RB1CC1: variants seen among roughly 807,000 people sequenced by gnomAD.
RB1CC1 encodes RB1 inducible coiled-coil 1, also known as RB1-inducible coiled-coil protein 1.
RB1CC1 carries 46 observed loss-of-function variants against 177.5 expected under a neutral mutation model. That is an observed-to-expected ratio of 0.26 (90% CI 0.20 to 0.33). The LOEUF (loss-of-function observed/expected upper bound fraction) is 0.33. RB1CC1 is among the 10% of genes least tolerant of loss of function. The probability of loss-of-function intolerance (pLI) is 1.00; values close to 1 mark genes in which losing one functional copy is unlikely to be tolerated. For missense variants in RB1CC1, 1,703 were observed against 1,816.3 expected, an observed-to-expected ratio of 0.94 and a Z score of 1.13; for synonymous variants, 666 against 613.6, an observed-to-expected ratio of 1.09 and a Z score of -1.26.
chr8:52,636,114 T>TA, intron 18 of RB1CC1, 45 bp from the exon 19 acceptor site: 1 of 1,564,622 alleles, frequency 6.4e-7, no homozygotes, highest in South Asian at 1.1e-5. Flanking sequence ...TTCTAAACTT[T>TA]ACATTCTTCA....
chr8:52,690,284 A>T (rs531099819), intron 1 of RB1CC1, among the ~76,000 whole-genome samples: 1 of 152,336 alleles, frequency 6.6e-6, no homozygotes, highest in East Asian at 1.9e-4. Flanking sequence ...GATGCTGACT[A>T]AAGTGGAAGG....
intron 11 of RB1CC1, 25 bp downstream of exon 11, chr8:52,660,901 A>G (rs1563397543): frequency 2.5e-6 from 4 of 1,569,062 alleles, no homozygotes; most frequent in South Asian, 2.3e-5. Flanking sequence ...TACAAAAGTA[A>G]TTAAAATTAT....
Position 52,642,439 on chromosome 8 carries a change from G to A in RB1CC1, c.4249C>T (p.Leu1417Phe), listed in dbSNP as rs1419414723. Residue 1417 changes from leucine to phenylalanine, a missense_variant, in exon 18 of 24, where the codon CTC (leucine) becomes TTC (phenylalanine). Leu to Phe is a conservative substitution (Grantham distance 22, BLOSUM62 0). Coordinates refer to ENST00000025008, the MANE Select transcript of RB1CC1 (RefSeq NM_014781.5). ...GCGGATCTATCTGATTCACCTGGGA[G>A]TTCAGGTGCACAAGCTCCATAAAGT... ...PELYGACAPE[L>F]PGESDRSAVE... 1 of 1,613,934 alleles carries A rather than the reference G, an allele frequency of 6.2e-7. No homozygotes were observed. The highest frequency in any genetic ancestry group is 8.5e-7 in the Non-Finnish European group (1 of 1,179,970).
At position 52,685,002 on chromosome 8, in the gene RB1CC1, C is replaced by CTTT. The variant is rs34656821; in HGVS notation, c.71+394_71+396dup. The stretch of plus-strand genomic sequence containing the variant: ...GATTTAAGACTTGCCATTATGTGAC[C>CTTT]TTTTTTTTTTTTTTTTTTGAGACAA... On this transcript the variant is annotated intron_variant, in intron 3 of 23. Transcript: ENST00000025008. 3.8e-5 allele frequency among the ~76,000 whole-genome samples: 5 copies of CTTT among 130,246 alleles called. No individual in the cohort carries two copies. The East Asian group carries it at 6.7e-4, about 17-fold the overall frequency. 85.4% of individuals were successfully genotyped at this position (130,246 alleles called of 152,430 possible). A position where few individuals can be genotyped will look rare whatever the true frequency, so the allele number is the denominator to read the frequency against.
intron 2 of RB1CC1, among the ~76,000 whole-genome samples, 165 bp from the exon 3 acceptor site, chr8:52,685,685 A>G (rs1300964748): frequency 6.6e-6 from 1 of 151,482 alleles, no homozygotes; most frequent in African/African-American, 2.4e-5. Flanking sequence ...CTCAATGCTT[A>G]AAAAAAAATA....
chr8:52,657,476 T>C lies in RB1CC1; in HGVS notation c.2353A>G (p.Lys785Glu). Residue 785 changes from lysine (K) to glutamate (E), a missense_variant, in exon 15 of 24, where the codon AAG becomes GAG. By Grantham distance (56) the Lys-to-Glu change is moderately conservative. Around this residue, in one of 6 missense-constraint regions of RB1CC1, gnomAD observed 1,169 missense variants for 1,184.7 expected, o/e 0.99. Transcript: ENST00000025008. ...GAAGTATGATCTCCAAAATCCTCCT[T>C]ACCACATACATTTGTATCCTGCATT... ...RRMQDTNVCG[K>E]EDFGDHTSLN... The C allele has an allele frequency of 8.1e-6, 13 of 1,613,774 alleles. No homozygotes were observed. The highest frequency in any genetic ancestry group is 1.1e-5 in the Non-Finnish European group (13 of 1,180,002).
chr8:52,665,259 CAAA>C (rs1851969486), intron 8 of RB1CC1, among the ~76,000 whole-genome samples: 1 of 151,988 alleles, frequency 6.6e-6, no homozygotes, highest in Non-Finnish European at 1.5e-5. Flanking sequence ...TAAATTCTAA[CAAA>C]AACATGAAAA....
chr8:52,704,884 A>T (rs1856416875), intron 1 of RB1CC1, among the ~76,000 whole-genome samples: 2 of 152,196 alleles, frequency 1.3e-5, no homozygotes, highest in Admixed American at 1.3e-4. Flanking sequence ...CTTGATGCTC[A>T]TTTTATATAA....
In RB1CC1 at chr8:52,656,072, T is replaced by C; in HGVS notation, c.3757A>G (p.Arg1253Gly). 1 of 1,613,278 alleles carries C rather than the reference T, an allele frequency of 6.2e-7. No homozygotes were observed. Among genetic ancestry groups the C allele is most frequent in the Non-Finnish European group, 8.5e-7 (1 of 1,179,750 alleles). ...AATAACTCTTTCTCAACAACTTCTC[T>C]CTCCAATTTAAATTCTTTTAGGGCA... ...QTALKEFKLE[R>G]EVVEKELLEK... Residue 1253 changes from arginine to glycine, a missense_variant, in exon 15 of 24, where the codon AGA becomes GGA. Arg to Gly is a moderately radical substitution (Grantham distance 125). Around this residue, in one of 6 missense-constraint regions of RB1CC1, gnomAD observed 1,169 missense variants for 1,184.7 expected, o/e 0.99. Transcript: ENST00000025008.
In RB1CC1 at chr8:52,657,784, G is replaced by A. The variant is rs1476360893; in HGVS notation, c.2045C>T (p.Pro682Leu). 6.2e-7 allele frequency: 1 copy of A among 1,613,822 alleles called. No individual in the cohort carries two copies. The highest frequency in any genetic ancestry group is 1.7e-5 in the Admixed American group (1 of 59,992). The part of the protein sequence containing the change: ...PPLTVQDPLC[P>L]AVCPLEELSP... Reference sequence around the variant, plus strand: ...TAATTCTTCTAAGGGACAAACTGCAGGACATAAGGGATCCTGAACAGTCAG... The same window carrying A: ...TAATTCTTCTAAGGGACAAACTGCAAGACATAAGGGATCCTGAACAGTCAG... The change falls in exon 15 of 24, where the codon CCT becomes CTT. Residue 682 changes from proline to leucine, a missense_variant. Transcript: ENST00000025008.
intron 18 of RB1CC1, among the ~76,000 whole-genome samples, chr8:52,641,028 C>T (rs1470701716): frequency 3.3e-5 from 5 of 152,022 alleles, no homozygotes; most frequent in South Asian, 2.1e-4. Context: ...GGGTGGGGTA[C>T]GAAGGACCCT....
intron 15 of RB1CC1, among the ~76,000 whole-genome samples, chr8:52,648,114 G>A (rs144616295): frequency 5.3e-5 from 8 of 152,172 alleles, no homozygotes; most frequent in African/African-American, 7.2e-5. Flanking sequence ...AACAGATATA[G>A]ACACCCCTGA....
rs1855693493 is a variant in RB1CC1, at chr8:52,698,669, G to GTTTTTTTTTTTTTTTTTTTTTTTTTTTT, written c.-166-11703_-166-11702insAAAAAAAAAAAAAAAAAAAAAAAAAAAA. Among the ~76,000 whole-genome samples the GTTTTTTTTTTTTTTTTTTTTTTTTTTTT allele has an allele frequency of 1.3e-4, 3 of 22,770 alleles. 1 individual carries two copies. Among genetic ancestry groups the GTTTTTTTTTTTTTTTTTTTTTTTTTTTT allele is most frequent in the African/African-American group, 1.4e-4 (1 of 7,330 alleles). The allele number at this position is 22,770 out of a possible 152,430, so 14.9% of individuals were successfully genotyped here. A position where few individuals can be genotyped will look rare whatever the true frequency, so the allele number is the denominator to read the frequency against. ...AACAAAAACTGTATATGTAATGGTT[G>GTTTTTTTTTTTTTTTTTTTTTTTTTTTT]GTTTTTTTTTTTTTTTTTTTTTTTT... On this transcript the variant is annotated intron_variant, in intron 1 of 23. Coordinates refer to ENST00000025008, the MANE Select transcript of RB1CC1 (RefSeq NM_014781.5).
At chr8:52,679,860 A>G (rs980388664) in intron 5 of RB1CC1, among the ~76,000 whole-genome samples, 1 of 152,124 alleles carries the variant, frequency 6.6e-6, no homozygotes, top group Non-Finnish European at 1.5e-5. Flanking sequence ...TTTATGTTAC[A>G]TACTTGCAAA....
At chr8:52,666,861 C>T (rs1381398067) in intron 8 of RB1CC1, among the ~76,000 whole-genome samples, 1 of 151,934 alleles carries the variant, frequency 6.6e-6, no homozygotes, top group South Asian at 2.1e-4. Context: ...ATACAGGAAA[C>T]AAGTGTAAAT....
At chr8:52,630,901 C>A (rs1432284445) in intron 20 of RB1CC1, among the ~76,000 whole-genome samples, 2 of 152,174 alleles carry the variant, frequency 1.3e-5, no homozygotes, top group African/African-American at 2.4e-5. Context: ...GAAACCCACA[C>A]TTAGAAAATT....
intron 1 of RB1CC1, among the ~76,000 whole-genome samples, chr8:52,708,838 C>CGT (rs1554562264): frequency 2.0e-5 from 3 of 152,134 alleles, no homozygotes; most frequent in Non-Finnish European, 4.4e-5. Context: ...GGTAGTAGCC[C>CGT]GTGACCCCTC....
intron 20 of RB1CC1, among the ~76,000 whole-genome samples, chr8:52,631,787 C>T (rs1046537419): frequency 1.3e-5 from 2 of 152,128 alleles, no homozygotes; most frequent in African/African-American, 4.8e-5. Context: ...CAGCATCATT[C>T]GCTCTAATAA....
intron 7 of RB1CC1, among the ~76,000 whole-genome samples, chr8:52,669,912 G>C (rs1166662103): frequency 6.6e-6 from 1 of 152,204 alleles, no homozygotes; most frequent in Non-Finnish European, 1.5e-5. Flanking sequence ...GACAAACATA[G>C]GAGAGTATTT....
Sources: gnomAD v4.1 joint callset for allele counts (sites outside exome capture counted in the v4.1 genomes callset) on GRCh38, gnomAD v4.1.1 for gene constraint, gnomAD v4.1.1 regional missense constraint, MANE v1.5 for transcripts, NCBI Gene and HGNC (gene_info 2026-07-23, HGNC 2026-07-21) for gene names.